Variants in METTL2A observed in about 807,000 individuals in gnomAD.
METTL2A encodes the protein methyltransferase 2A, tRNA N3-cytidine.
In METTL2A, 45 loss-of-function variants were observed where a neutral mutation model predicts 49.4. The observed-to-expected ratio is 0.91, with a 90% CI of 0.72 to 1.17. The LOEUF (loss-of-function observed/expected upper bound fraction) is 1.17, where lower values mean the gene tolerates loss of function less well. METTL2A is among the 50% of genes most tolerant of loss of function. METTL2A has a pLI of 0.00. For synonymous variants in METTL2A, 118 were observed against 167.5 expected, an observed-to-expected ratio of 0.70 and a Z score of 2.28; for missense variants, 361 against 462.2, an observed-to-expected ratio of 0.78 and a Z score of 2.01.
chr17:62,426,701 T>C, intron 3 of METTL2A, 47 bp downstream of exon 3: 2 of 1,033,706 alleles, frequency 1.9e-6, no homozygotes, highest in Non-Finnish European at 2.9e-6. Context: ...GCTATTATAT[T>C]TGTGCACATG....
intron 7 of METTL2A, among the ~76,000 whole-genome samples, chr17:62,447,368 C>T (rs1226160309): frequency 6.6e-6 from 1 of 152,008 alleles, no homozygotes; most frequent in Non-Finnish European, 1.5e-5. Flanking sequence ...TGCAGTGATC[C>T]GAGGTCACGC....
rs1361698479 is a variant in METTL2A at position 62,447,281 on chromosome 17, A to G, written c.917-420A>G. On this transcript the variant is annotated intron_variant, in intron 7 of 8. Transcript: ENST00000311506. Reference sequence around the variant, plus strand: ...TAAAAATACAAAAAATTAGCTGGGCATGGTGGTGGGAACCTGTAATCCCAG... The same window carrying G: ...TAAAAATACAAAAAATTAGCTGGGCGTGGTGGTGGGAACCTGTAATCCCAG... 4.6e-5 allele frequency among the ~76,000 whole-genome samples: 7 copies of G among 151,952 alleles called. No individual in the cohort carries two copies. In the South Asian group the frequency reaches 6.2e-4, roughly 14 times the overall value.
chr17:62,442,082 A>G (rs2070742233), intron 6 of METTL2A, among the ~76,000 whole-genome samples: 2 of 152,144 alleles, frequency 1.3e-5, no homozygotes, highest in Non-Finnish European at 2.9e-5. Flanking sequence ...TTTAAATAAA[A>G]CAACCTTATT....
chr17:62,435,098 G>A (rs2070691608), intron 4 of METTL2A, 134 bp from the exon 5 acceptor site: 5 of 1,330,666 alleles, frequency 3.8e-6, no homozygotes, highest in Non-Finnish European at 5.3e-6. Flanking sequence ...GAAATATGTT[G>A]TGACTAATAG....
At chr17:62,439,992 C>G (rs2070727732) in intron 5 of METTL2A, among the ~76,000 whole-genome samples, 2 of 151,070 alleles carry the variant, frequency 1.3e-5, no homozygotes, top group African/African-American at 2.4e-5. Flanking sequence ...TAGATTGATG[C>G]AAAAGTAATT....
At chr17:62,424,123 G>A (rs1486844598) in intron 1 of METTL2A, 96 bp from the exon 2 acceptor site, 2 of 1,591,148 alleles carry the variant, frequency 1.3e-6, no homozygotes, top group Non-Finnish European at 8.6e-7. Context: ...CCCTACCCGA[G>A]GCACTCTCCA....
At chr17:62,424,372 G>A (rs934730232) in intron 2 of METTL2A, 62 bp downstream of exon 2, 31 of 1,604,478 alleles carry the variant, frequency 1.9e-5, no homozygotes, top group Non-Finnish European at 2.6e-5. Flanking sequence ...GCGCCCTCCC[G>A]GAGAGGCCAG....
intron 5 of METTL2A, among the ~76,000 whole-genome samples, chr17:62,438,868 C>T (rs376242324): frequency 1.1e-4 from 16 of 151,442 alleles, no homozygotes; most frequent in Admixed American, 5.3e-4. Flanking sequence ...GGCTGGAGTG[C>T]GGTGGTACAA....
At chr17:62,447,261 A>G (rs1229482459) in intron 7 of METTL2A, among the ~76,000 whole-genome samples, 1 of 152,108 alleles carries the variant, frequency 6.6e-6, no homozygotes, top group Non-Finnish European at 1.5e-5. Context: ...TCTACTAAAA[A>G]TACAAAAAAT....
rs748583443 is a variant in METTL2A at position 62,426,446 on chromosome 17, T to C, written c.350T>C (p.Leu117Ser). Residue 117 changes from leucine to serine, a missense_variant, in exon 3 of 9, where the codon TTG (leucine) becomes TCG (serine). Physicochemically the swap from Leu to Ser is moderately radical, Grantham distance 145. This residue lies in a region of METTL2A where 150 missense variants were observed against 170.1 expected (regional missense o/e 0.88). Coordinates refer to ENST00000311506, the MANE Select transcript of METTL2A (RefSeq NM_181725.4). The stretch of plus-strand genomic sequence containing the variant: ...CAAAATCATTTGAAGGACTGGTTCT[T>C]GGAGAACAAGAGTGAAGTACCTGAA... ...QNQNHLKDWF[L>S]ENKSEVPECR... The C allele has an allele frequency of 6.2e-7, 1 of 1,614,152 alleles. No homozygotes were observed. Among genetic ancestry groups the C allele is most frequent in the Admixed American group, 1.7e-5 (1 of 59,998 alleles).
Position 62,448,816 on chromosome 17 carries a change from C to T in METTL2A, c.*87C>T, listed in dbSNP as rs1367666723. 3.2e-6 allele frequency: 5 copies of T among 1,550,256 alleles called. No individual in the cohort carries two copies. The highest frequency in any genetic ancestry group is 3.5e-6 in the Non-Finnish European group (4 of 1,147,660). Reference sequence around the variant, plus strand: ...ATTGTAGCACTGGGCGTGGTGCATGCCTGTAATCCCAGCCACTCAGGAGGC... The same window carrying T: ...ATTGTAGCACTGGGCGTGGTGCATGTCTGTAATCCCAGCCACTCAGGAGGC... On this transcript the variant is annotated 3_prime_UTR_variant, in exon 9 of 9. Transcript: ENST00000311506.
intron 2 of METTL2A, among the ~76,000 whole-genome samples, chr17:62,425,672 A>T (rs2070619537): frequency 1.4e-5 from 2 of 144,676 alleles, no homozygotes; most frequent in African/African-American, 2.5e-5. Context: ...GGCATGAGCC[A>T]CTGCACCTGG....
At chr17:62,442,213 A>G (rs1363395854) in intron 6 of METTL2A, among the ~76,000 whole-genome samples, 1 of 152,178 alleles carries the variant, frequency 6.6e-6, no homozygotes, top group African/African-American at 2.4e-5. Context: ...GTCAAATGCT[A>G]TATCCTAAAA....
chr17:62,426,614 A>G lies in METTL2A; in HGVS notation c.518A>G (p.Asp173Gly). 1.3e-6 allele frequency: 2 copies of G among 1,553,046 alleles called. No individual in the cohort carries two copies. The highest frequency in any genetic ancestry group is 1.8e-6 in the Non-Finnish European group (2 of 1,135,382). Residue 173 changes from aspartate to glycine, a missense_variant, in exon 3 of 9, where the codon GAT (aspartate) becomes GGT (glycine). By Grantham distance (94) the Asp-to-Gly change is moderately conservative. Coordinates refer to ENST00000311506, the MANE Select transcript of METTL2A (RefSeq NM_181725.4). ...QKISDLEICA[D>G]EFPGSSATYR... ...ATTAGTGACCTGGAAATTTGTGCTGATGAGTTTCCTGGATCCTCAGCCACC... is the reference window on the plus strand; with the variant it reads ...ATTAGTGACCTGGAAATTTGTGCTGGTGAGTTTCCTGGATCCTCAGCCACC...
At chr17:62,437,697 G>A (rs2070709877) in intron 5 of METTL2A, among the ~76,000 whole-genome samples, 1 of 152,134 alleles carries the variant, frequency 6.6e-6, no homozygotes, top group African/African-American at 2.4e-5. Context: ...GTTATGGCTG[G>A]GGTCAGTGGC....
At position 62,451,308 on chromosome 17, in the gene METTL2A, G is replaced by A. The variant is rs1282036966; in HGVS notation, c.*2579G>A. ...ATTACAGGCATGTGCCACCATTCCC[G>A]GCTAATTTTTTGTATTTTTAGTAGA... On this transcript the variant is annotated 3_prime_UTR_variant, in exon 9 of 9. Coordinates refer to ENST00000311506, the MANE Select transcript of METTL2A (RefSeq NM_181725.4). Among the ~76,000 whole-genome samples, 7 of 151,544 alleles carry A rather than the reference G, an allele frequency of 4.6e-5. No individual in the cohort carries two copies. The highest frequency in any genetic ancestry group is 7.4e-5 in the Non-Finnish European group (5 of 67,842).
intron 1 of METTL2A, 92 bp downstream of exon 1, chr17:62,424,104 G>A: frequency 1.3e-6 from 2 of 1,581,284 alleles, no homozygotes; most frequent in Admixed American, 3.8e-5. Context: ...CCGGCCACGA[G>A]TCAAGCTGCC....
chr17:62,426,438 C>G lies in METTL2A; in HGVS notation c.342C>G (p.Asp114Glu), dbSNP rs1053119. 1.2e-6 allele frequency: 2 copies of G among 1,614,142 alleles called. No individual in the cohort carries two copies. The highest frequency in any genetic ancestry group is 8.5e-7 in the Non-Finnish European group (1 of 1,180,036). ...GCCAAAATCAAAATCATTTGAAGGA[C>G]TGGTTCTTGGAGAACAAGAGTGAAG... ...APSQNQNHLK[D>E]WFLENKSEVP... Residue 114 changes from aspartate to glutamate, a missense_variant, in exon 3 of 9, where the codon GAC (aspartate) becomes GAG (glutamate). By Grantham distance (45) the Asp-to-Glu change is conservative. Coordinates refer to ENST00000311506, the MANE Select transcript of METTL2A (RefSeq NM_181725.4).
At chr17:62,433,574 T>C (rs143355660) in intron 4 of METTL2A, among the ~76,000 whole-genome samples, 1,595 of 151,710 alleles carry the variant, frequency 0.011, 23 homozygotes, top group African/African-American at 0.037. Flanking sequence ...ACCCCGTCTC[T>C]CCTAAAAATA....
Sources: gnomAD v4.1 joint callset for allele counts (sites outside exome capture counted in the v4.1 genomes callset) on GRCh38, gnomAD v4.1.1 for gene constraint, gnomAD v4.1.1 regional missense constraint, MANE v1.5 for transcripts, NCBI Gene and HGNC (gene_info 2026-07-23, HGNC 2026-07-21) for gene names.